The following PATJ variants were observed in gnomAD, a reference collection of about 807,000 sequenced individuals.
PATJ encodes inaD-like protein.
PATJ carries 190 observed loss-of-function variants against 224.9 expected under a neutral mutation model. The observed-to-expected ratio is 0.84, with a 90% CI of 0.75 to 0.95. The LOEUF is 0.95. Among genes scored for constraint, PATJ ranks in the 40% least tolerant of loss-of-function variants. PATJ has a pLI of 0.00. For synonymous variants in PATJ, 769 were observed against 820.3 expected, an observed-to-expected ratio of 0.94 and a Z score of 1.07; for missense variants, 2,121 against 2,270.3, an observed-to-expected ratio of 0.93 and a Z score of 1.34.
intron 7 of PATJ, among the ~76,000 whole-genome samples, chr1:61,786,984 T>TCAAAA (rs139987321): frequency 2.6e-5 from 4 of 151,494 alleles, no homozygotes; most frequent in South Asian, 4.2e-4. Flanking sequence ...AGATTCTGAC[T>TCAAAA]CAAAACAAAA....
At chr1:62,135,820 G>T (rs1666799931) in intron 41 of PATJ, among the ~76,000 whole-genome samples, 1 of 152,066 alleles carries the variant, frequency 6.6e-6, no homozygotes, top group South Asian at 2.1e-4. Context: ...ATACTAAGTG[G>T]TATCTTATTA....
intron 21 of PATJ, among the ~76,000 whole-genome samples, chr1:61,876,750 G>A (rs538410317): frequency 4.4e-4 from 67 of 152,226 alleles, no homozygotes; most frequent in Non-Finnish European, 7.4e-5. Flanking sequence ...TTTGGGTGGA[G>A]GAGCAGTGGA....
intron 27 of PATJ, among the ~76,000 whole-genome samples, chr1:61,949,258 A>G (rs976882560): frequency 2.6e-5 from 4 of 152,084 alleles, no homozygotes; most frequent in African/African-American, 9.7e-5. Context: ...AAAACATTAC[A>G]TACTGTATGG....
At chr1:62,059,473 C>T (rs1013332642) in intron 31 of PATJ, among the ~76,000 whole-genome samples, 2 of 151,710 alleles carry the variant, frequency 1.3e-5, no homozygotes, top group East Asian at 1.9e-4. Flanking sequence ...AATACAAAGC[C>T]GGGCATGGTG....
At position 62,153,482 on chromosome 1, in the gene PATJ, G is replaced by T; in HGVS notation, c.5502+1G>T. The T allele has an allele frequency of 1.8e-5, 22 of 1,231,002 alleles. No individual in the cohort carries two copies. The highest frequency in any genetic ancestry group is 2.2e-5 in the Non-Finnish European group (22 of 987,000). The allele number at this position is 1,231,002 out of a possible 1,614,324, so 76.3% of individuals were successfully genotyped here. A position where few individuals can be genotyped will look rare whatever the true frequency, so the allele number is the denominator to read the frequency against. ...TTATGTCAAGACTGTATTTGCAAAG[G>T]TATATCTTCTTTTTTAATGTACTTT... On this transcript the variant is annotated splice_donor_variant, in intron 43 of 43. Coordinates refer to ENST00000642238, the MANE Select transcript of PATJ (RefSeq NM_001350145.3). LOFTEE classifies it high-confidence loss of function.
intron 31 of PATJ, among the ~76,000 whole-genome samples, chr1:62,071,567 A>T (rs551766257): frequency 7.0e-6 from 1 of 142,034 alleles, no homozygotes; most frequent in South Asian, 2.2e-4. Flanking sequence ...ATCTCAGCTC[A>T]CTGCAACCTC....
chr1:61,839,470 G>T (rs1660736126), intron 17 of PATJ, among the ~76,000 whole-genome samples: 1 of 151,770 alleles, frequency 6.6e-6, no homozygotes, highest in African/African-American at 2.4e-5. Context: ...GTGGGTTAAT[G>T]TTCAATAATG....
At chr1:61,905,635 A>G (rs1671749504) in intron 24 of PATJ, among the ~76,000 whole-genome samples, 1 of 152,216 alleles carries the variant, frequency 6.6e-6, no homozygotes, top group East Asian at 1.9e-4. Flanking sequence ...ACTGGGTTTT[A>G]TGGTAATTGT....
At chr1:62,160,288 A>G (rs1210077343) in intron 43 of PATJ, among the ~76,000 whole-genome samples, 1 of 152,188 alleles carries the variant, frequency 6.6e-6, no homozygotes, top group Admixed American at 6.5e-5. Context: ...ATATAATAAA[A>G]GTAGTCATTT....
chr1:62,004,038 G>A (rs1645950579), intron 28 of PATJ, among the ~76,000 whole-genome samples: 1 of 152,154 alleles, frequency 6.6e-6, no homozygotes, highest in African/African-American at 2.4e-5. Context: ...TGCCTGCTAA[G>A]CTTCTGTCTA....
rs999424686 is a variant in PATJ, at chr1:62,158,885, T to C, written c.5503-2023T>C. On this transcript the variant is annotated intron_variant, in intron 43 of 43. Transcript: ENST00000642238. ...AATCGCTTGAACCTGGGAGGTGGAG[T>C]TTGCAGTGAACCGAGATCGCACCAT... is the stretch of plus-strand genomic sequence containing the variant. 3.2e-4 allele frequency among the ~76,000 whole-genome samples: 47 copies of C among 147,750 alleles called. 1 individual carries two copies. The highest frequency in any genetic ancestry group is 7.4e-3 in the Middle Eastern group (2 of 272).
At position 61,922,183 on chromosome 1, in the gene PATJ, C is replaced by T. The variant is rs1472987618; in HGVS notation, c.3571-5547C>T. Among the ~76,000 whole-genome samples the T allele has an allele frequency of 2.0e-5, 3 of 152,106 alleles. No individual in the cohort carries two copies. In the East Asian group the frequency reaches 5.8e-4, roughly 29 times the overall value. On this transcript the variant is annotated intron_variant, in intron 26 of 43. Coordinates refer to ENST00000642238, the MANE Select transcript of PATJ (RefSeq NM_001350145.3). ...TCAGACTCCTAAATAGCTGGGACTACAGGTGCACACCACCACACCTGGCTA... is the reference window on the plus strand; with the variant it reads ...TCAGACTCCTAAATAGCTGGGACTATAGGTGCACACCACCACACCTGGCTA...
rs373526207 is a variant in PATJ, at chr1:62,041,848, G to A, written c.4032+3799G>A. On this transcript the variant is annotated intron_variant, in intron 30 of 43. Coordinates refer to ENST00000642238, the MANE Select transcript of PATJ (RefSeq NM_001350145.3). Reference sequence around the variant, plus strand: ...GATCGAGACCATCCTGGCTAACATGGTGAAACCTCCTCTCTACTAAAAAAT... The same window carrying A: ...GATCGAGACCATCCTGGCTAACATGATGAAACCTCCTCTCTACTAAAAAAT... Among the ~76,000 whole-genome samples, 100 of 152,210 alleles carry A rather than the reference G, an allele frequency of 6.6e-4. 2 individuals are homozygous for A. The South Asian group carries it at 0.021, about 31-fold the overall frequency.
intron 29 of PATJ, among the ~76,000 whole-genome samples, chr1:62,029,274 G>A (rs1184986528): frequency 1.3e-5 from 2 of 152,164 alleles, no homozygotes; most frequent in Non-Finnish European, 1.5e-5. Flanking sequence ...CTGATGAAGT[G>A]ATGGCATTCT....
chr1:61,791,695 A>G (rs562669640), intron 9 of PATJ, among the ~76,000 whole-genome samples: 3 of 152,160 alleles, frequency 2.0e-5, no homozygotes, highest in Non-Finnish European at 4.4e-5. Flanking sequence ...TTTGAATTGT[A>G]TCTTCTCTTG....
At chr1:61,871,554 TATA>T (rs1310552358) in intron 20 of PATJ, among the ~76,000 whole-genome samples, 626 of 19,582 alleles carry the variant, frequency 0.032, 12 homozygotes, top group South Asian at 0.071. Flanking sequence ...TATATATATA[TATA>T]TTTTTTTTTT....
At chr1:62,049,347 T>C (rs1450941349) in intron 30 of PATJ, among the ~76,000 whole-genome samples, 1 of 151,882 alleles carries the variant, frequency 6.6e-6, no homozygotes, top group Non-Finnish European at 1.5e-5. Flanking sequence ...AAAAATTCCT[T>C]TCTCCCTGAC....
chr1:62,155,438 T>C (rs2149056325), intron 43 of PATJ, among the ~76,000 whole-genome samples: 1 of 152,120 alleles, frequency 6.6e-6, no homozygotes, highest in South Asian at 2.1e-4. Flanking sequence ...AACATACAGC[T>C]AAGAGTAAAA....
intron 14 of PATJ, among the ~76,000 whole-genome samples, chr1:61,822,617 T>C (rs1469744846): frequency 6.6e-6 from 1 of 152,020 alleles, no homozygotes; most frequent in East Asian, 1.9e-4. Flanking sequence ...TTCTAGGGGA[T>C]GGGGAGTCCC....
Sources: allele counts gnomAD v4.1 joint callset (sites outside exome capture counted in the v4.1 genomes callset), GRCh38; gene constraint gnomAD v4.1.1; transcripts MANE v1.5; gene names NCBI Gene and HGNC (gene_info 2026-07-23, HGNC 2026-07-21).